Variants in DSCAML1 observed in about 807,000 individuals in gnomAD.
The protein encoded by DSCAML1 is cell adhesion molecule DSCAML1.
In DSCAML1, 38 loss-of-function variants were observed where a neutral mutation model predicts 200.5. The ratio of observed to expected loss-of-function variants is 0.19; its 90% CI spans 0.15 to 0.25. DSCAML1 has a LOEUF of 0.25. Among genes scored for constraint, DSCAML1 ranks in the 10% least tolerant of loss-of-function variants. The probability of loss-of-function intolerance (pLI) is 1.00; values close to 1 mark genes in which losing one functional copy is unlikely to be tolerated. For synonymous variants in DSCAML1, 1,215 were observed against 1,165.0 expected, an observed-to-expected ratio of 1.04 and a Z score of -0.87; for missense variants, 2,223 against 2,858.8, an observed-to-expected ratio of 0.78 and a Z score of 5.07.
At chr11:117,698,617 A>G (rs2053620893) in intron 3 of DSCAML1, among the ~76,000 whole-genome samples, 1 of 152,076 alleles carries the variant, frequency 6.6e-6, no homozygotes, top group South Asian at 2.1e-4. Flanking sequence ...AGTCATTTTA[A>G]TGGGTGTGAA....
intron 3 of DSCAML1, among the ~76,000 whole-genome samples, chr11:117,770,146 G>A (rs2055011002): frequency 6.6e-6 from 1 of 152,160 alleles, no homozygotes; most frequent in Admixed American, 6.5e-5. Context: ...AGAAAGAGTG[G>A]TCCTGCGGTA....
chr11:117,477,174 C>T (rs2048809394), intron 14 of DSCAML1, among the ~76,000 whole-genome samples: 1 of 145,368 alleles, frequency 6.9e-6, no homozygotes, highest in Non-Finnish European at 1.5e-5. Context: ...TCCACTAGTC[C>T]ACAGGTGCAG....
At chr11:117,661,906 C>T (rs540085124) in intron 3 of DSCAML1, among the ~76,000 whole-genome samples, 11 of 152,188 alleles carry the variant, frequency 7.2e-5, no homozygotes, top group Non-Finnish European at 1.5e-4. Context: ...AGGGTTGAGG[C>T]CTGCCTGCTG....
At chr11:117,495,976 G>A (rs897613662) in intron 11 of DSCAML1, among the ~76,000 whole-genome samples, 1 of 152,168 alleles carries the variant, frequency 6.6e-6, no homozygotes, top group African/African-American at 2.4e-5. Flanking sequence ...TCAGGTGAGC[G>A]CCTCATTGCC....
At chr11:117,796,238 G>A (rs2055572208) in intron 1 of DSCAML1, among the ~76,000 whole-genome samples, 1 of 152,192 alleles carries the variant, frequency 6.6e-6, no homozygotes, top group South Asian at 2.1e-4. Context: ...CCCACCCCTA[G>A]CAACCCCCTC....
At chr11:117,782,265 G>A (rs1454110391) in intron 1 of DSCAML1, among the ~76,000 whole-genome samples, 1 of 152,178 alleles carries the variant, frequency 6.6e-6, no homozygotes, top group East Asian at 1.9e-4. Flanking sequence ...AGGCCATTAA[G>A]CCTCATTGGT....
intron 3 of DSCAML1, among the ~76,000 whole-genome samples, chr11:117,605,486 A>G (rs1185398789): frequency 6.6e-6 from 1 of 152,214 alleles, no homozygotes; most frequent in Non-Finnish European, 1.5e-5. Flanking sequence ...CAGAATGGAA[A>G]GCGCTTAAGT....
chr11:117,768,990 C>T (rs907012855), intron 3 of DSCAML1, among the ~76,000 whole-genome samples: 4 of 148,752 alleles, frequency 2.7e-5, no homozygotes, highest in Non-Finnish European at 5.9e-5. Context: ...ACAAGAGAAT[C>T]ACTTGAACCT....
At chr11:117,435,927 C>T in intron 26 of DSCAML1, 128 bp from the exon 27 acceptor site, 1 of 1,046,420 alleles carries the variant, frequency 9.6e-7, no homozygotes, top group Non-Finnish European at 1.3e-6. Flanking sequence ...CCTCCTGGCA[C>T]AGAACCCTGG....
At chr11:117,733,242 C>T (rs1404610828) in intron 3 of DSCAML1, among the ~76,000 whole-genome samples, 1 of 152,146 alleles carries the variant, frequency 6.6e-6, no homozygotes, top group Non-Finnish European at 1.5e-5. Context: ...CTGTTGCTCT[C>T]CCCATTTAGG....
intron 3 of DSCAML1, among the ~76,000 whole-genome samples, chr11:117,731,679 T>G (rs982750234): frequency 6.6e-6 from 1 of 152,222 alleles, no homozygotes; most frequent in African/African-American, 2.4e-5. Context: ...TCCCTGTCGT[T>G]TAATACCACA....
At chr11:117,727,355 G>A (rs1194400874) in intron 3 of DSCAML1, among the ~76,000 whole-genome samples, 1 of 152,168 alleles carries the variant, frequency 6.6e-6, no homozygotes, top group Non-Finnish European at 1.5e-5. Context: ...CTGCCCAGGG[G>A]CTGACAGTGA....
At chr11:117,641,424 T>G (rs963701338) in intron 3 of DSCAML1, among the ~76,000 whole-genome samples, 1 of 152,184 alleles carries the variant, frequency 6.6e-6, no homozygotes, top group African/African-American at 2.4e-5. Flanking sequence ...AAGATGAGGA[T>G]ATAATGACTT....
At chr11:117,688,856 G>A (rs145383773) in intron 3 of DSCAML1, among the ~76,000 whole-genome samples, 231 of 152,288 alleles carry the variant, frequency 1.5e-3, no homozygotes, top group African/African-American at 4.9e-3. Context: ...AACCAAGGTC[G>A]TCCTAACCAG....
intron 3 of DSCAML1, among the ~76,000 whole-genome samples, chr11:117,614,722 A>C (rs537029039): frequency 6.6e-6 from 1 of 152,370 alleles, no homozygotes; most frequent in East Asian, 1.9e-4. Flanking sequence ...CAGTCCTCAC[A>C]GTGCCCAACG....
Position 117,432,364 on chromosome 11 carries a change from G to C in DSCAML1, c.5167C>G (p.Arg1723Gly). Reference protein sequence around the residue: ...TGPLIDMSDIRPGTNPVSRKN... With the variant: ...TGPLIDMSDIGPGTNPVSRKN... Reference sequence around the variant, plus strand: ...GGATAATGCGTACTGGTTCCTGGCCGGATGTCAGACATGTCGATGAGGGGT... The same window carrying C: ...GGATAATGCGTACTGGTTCCTGGCCCGATGTCAGACATGTCGATGAGGGGT... Residue 1723 changes from arginine to glycine, a missense_variant, in exon 30 of 33, where the codon CGG becomes GGG. Coordinates refer to ENST00000651296, the MANE Select transcript of DSCAML1 (RefSeq NM_020693.4). 1 of 1,613,586 alleles carries C rather than the reference G, an allele frequency of 6.2e-7. No individual in the cohort carries two copies. Among genetic ancestry groups the C allele is most frequent in the Non-Finnish European group, 8.5e-7 (1 of 1,179,832 alleles).
intron 20 of DSCAML1, among the ~76,000 whole-genome samples, chr11:117,446,230 G>A (rs749437581): frequency 6.6e-6 from 1 of 152,202 alleles, no homozygotes; most frequent in Non-Finnish European, 1.5e-5. Flanking sequence ...CAGGCGTGGT[G>A]GCGCATGCCT....
chr11:117,582,753 C>T (rs2051065396), intron 3 of DSCAML1, among the ~76,000 whole-genome samples: 1 of 152,162 alleles, frequency 6.6e-6, no homozygotes, highest in Admixed American at 6.5e-5. Context: ...CTACTGTGTG[C>T]CCCAGTCCAC....
At position 117,780,279 on chromosome 11, in the gene DSCAML1, A is replaced by G. The variant is rs2055222225; in HGVS notation, c.364+214T>C. ...AAGAAAGAAAGAAAGAAAGAAAGAA[A>G]GAAAGAAAGAAAGAAAGAAAGAAAG... On this transcript the variant is annotated intron_variant, in intron 2 of 32. Transcript: ENST00000651296. The surrounding 1 kb of genome is among the most constrained non-coding windows in gnomAD (Gnocchi z 4.8). Among the ~76,000 whole-genome samples the G allele has an allele frequency of 2.1e-5, 2 of 96,936 alleles. No individual in the cohort carries two copies. Among genetic ancestry groups the G allele is most frequent in the Non-Finnish European group, 5.0e-5 (2 of 39,708 alleles). 63.6% of individuals were successfully genotyped at this position (96,936 alleles called of 152,430 possible). A position where few individuals can be genotyped will look rare whatever the true frequency, so the allele number is the denominator to read the frequency against.
Sources: allele counts gnomAD v4.1 joint callset (sites outside exome capture counted in the v4.1 genomes callset), GRCh38; gene constraint gnomAD v4.1.1; non-coding constraint Gnocchi (gnomAD v3.1); transcripts MANE v1.5; gene names NCBI Gene and HGNC (gene_info 2026-07-23, HGNC 2026-07-21).